The following NARF variants were observed in gnomAD, a reference collection of about 807,000 sequenced individuals.
NARF encodes the protein nuclear prelamin A recognition factor, also known as iron-only hydrogenase-like protein 2.
Under a neutral mutation model 48.0 loss-of-function variants are expected in NARF, and 41 were observed. The observed-to-expected ratio is 0.85, with a 90% confidence interval of 0.66 to 1.11. The LOEUF (loss-of-function observed/expected upper bound fraction) is 1.11. NARF is among the 50% of genes least tolerant of loss of function. NARF has a pLI of 0.00. For missense variants in NARF, 613 were observed against 590.2 expected (o/e 1.04, Z -0.40); for synonymous variants, 215 against 225.5 (o/e 0.95, Z 0.42).
intron 2 of NARF, 139 bp from the exon 3 acceptor site, chr17:82,464,148 G>C: frequency 8.8e-7 from 1 of 1,140,110 alleles, no homozygotes. Context: ...CCTGCTTCCA[G>C]CCCCTTGAGC....
At chr17:82,472,758 C>T in intron 5 of NARF, 60 bp downstream of exon 5, 1 of 1,569,046 alleles carries the variant, frequency 6.4e-7, no homozygotes, top group Non-Finnish European at 8.6e-7. Context: ...TCACAAGATT[C>T]TGCAGGCTCT....
At chr17:82,458,718 G>T, upstream of NARF, 24 of 1,422,058 alleles carry the variant, frequency 1.7e-5, no homozygotes, top group Non-Finnish European at 2.2e-5. Context: ...GACAACAAAG[G>T]GCCGCGGGCG....
chr17:82,482,271 T>G (rs1198022490), intron 7 of NARF: 1 of 429,574 alleles, frequency 2.3e-6, no homozygotes, highest in Admixed American at 2.7e-5. Flanking sequence ...CGCAGACGCC[T>G]CTGGAAAGGT....
At position 82,481,132 on chromosome 17, in the gene NARF, C is replaced by T. The variant is rs202120262; in HGVS notation, c.690C>T (p.Asp230=). 10 of 1,613,978 alleles carry T rather than the reference C, an allele frequency of 6.2e-6. No homozygotes were observed. In the African/African-American group the frequency reaches 1.2e-4, roughly 19 times the overall value. The change falls in exon 7 of 11, where the codon GAC becomes GAT. Residue 230 remains aspartate (D), a synonymous_variant. Transcript: ENST00000309794. ...IFHVIVAPCY[D]KKLEALQESL... ...ACGTCATTGTGGCCCCTTGTTATGACAAGAAGCTGGAGGCTCTTCAGGAAA... is the reference window on the plus strand; with the variant it reads ...ACGTCATTGTGGCCCCTTGTTATGATAAGAAGCTGGAGGCTCTTCAGGAAA...
chr17:82,465,898 TCTGTGTTG>T (rs1448351425), intron 3 of NARF, among the ~76,000 whole-genome samples: 1 of 152,220 alleles, frequency 6.6e-6, no homozygotes, highest in African/African-American at 2.4e-5. Flanking sequence ...ACACATGTCC[TCTGTGTTG>T]CCAGCATTAG....
intron 10 of NARF, 64 bp from the exon 11 acceptor site, chr17:82,487,852 T>G (rs1479498185): frequency 6.5e-7 from 1 of 1,538,922 alleles, no homozygotes; most frequent in African/African-American, 1.4e-5. Flanking sequence ...TTCTAGCTGC[T>G]CAGGAAGCTA....
chr17:82,475,205 A>G (rs1318345116), intron 5 of NARF, among the ~76,000 whole-genome samples: 1 of 152,164 alleles, frequency 6.6e-6, no homozygotes. Context: ...TGGCTTCACA[A>G]CACCAGTCAC....
At chr17:82,477,135 C>T (rs2043851743) in intron 5 of NARF, 1 of 152,182 alleles carries the variant, frequency 6.6e-6, no homozygotes, top group Admixed American at 6.6e-5. Flanking sequence ...AGTGATCCTC[C>T]CATCTTAGCC....
At chr17:82,458,717 G>A (rs954623652), upstream of NARF, 105 of 1,420,906 alleles carry the variant, frequency 7.4e-5, no homozygotes, top group Non-Finnish European at 9.3e-5. Context: ...GGACAACAAA[G>A]GGCCGCGGGC....
intron 7 of NARF, chr17:82,482,295 G>A (rs546902129): frequency 1.3e-4 from 52 of 400,828 alleles, no homozygotes; most frequent in African/African-American, 1.0e-3. Flanking sequence ...CACCCCATAG[G>A]CACAGGCTCC....
Position 82,478,878 on chromosome 17 carries a change from T to TC in NARF, c.600dup (p.Met201HisfsTer30). The TC allele has an allele frequency of 6.2e-7, 1 of 1,613,960 alleles. No individual in the cohort carries two copies. Among genetic ancestry groups the TC allele is most frequent in the Non-Finnish European group, 8.5e-7 (1 of 1,179,982 alleles). On this transcript the variant is annotated frameshift_variant, in exon 6 of 11. Transcript: ENST00000309794. LOFTEE classifies it high-confidence loss of function. ...TGCACCGCCAAGTCCCCCCAGCAGG[T>TC]CATGGGCTCTTTGGTGAAGGATTAT...
Position 82,483,780 on chromosome 17 carries a change from G to A in NARF, c.833+1G>A. ...TGAGAGATGCTGCCGTCGACACTCT[G>A]TAAGTGGCTTCTCTGGGGAGAGTCC... On this transcript the variant is annotated splice_donor_variant, in intron 8 of 10. Coordinates refer to ENST00000309794, the MANE Select transcript of NARF (RefSeq NM_012336.4). LOFTEE classifies it high-confidence loss of function. 1 of 1,613,488 alleles carries A rather than the reference G, an allele frequency of 6.2e-7. No homozygotes were observed. The highest frequency in any genetic ancestry group is 2.2e-5 in the East Asian group (1 of 44,870).
chr17:82,489,119 CCCATTCCTCACA>C lies in NARF; in HGVS notation c.*963_*974del, dbSNP rs2044155731. ...ACTGTAGTTTCTGACAACAGTAGGC[CCCATTCCTCACA>C]GCCAGTCACCACCCTCCTCCCATTC... On this transcript the variant is annotated 3_prime_UTR_variant, in exon 11 of 11. Transcript: ENST00000309794. 6.5e-6 allele frequency: 1 copy of C among 154,456 alleles called. No homozygotes were observed. Among genetic ancestry groups the C allele is most frequent in the African/African-American group, 2.4e-5 (1 of 41,446 alleles). The allele number at this position is 154,456 out of a possible 1,614,324, so 9.6% of individuals were successfully genotyped here. A position where few individuals can be genotyped will look rare whatever the true frequency, so the allele number is the denominator to read the frequency against.
intron 5 of NARF, chr17:82,478,512 C>T: frequency 2.0e-6 from 1 of 500,542 alleles, no homozygotes; most frequent in Non-Finnish European, 3.9e-6. Context: ...GTGCTTGTTC[C>T]CCTTCACCTT....
intron 1 of NARF, chr17:82,459,102 C>T: frequency 8.4e-7 from 1 of 1,187,044 alleles, no homozygotes. Context: ...CCGAGCCTCT[C>T]GTGCCGCGCA....
Position 82,481,132 on chromosome 17 carries a change from C to A in NARF, c.690C>A (p.Asp230Glu), listed in dbSNP as rs202120262. ...ACGTCATTGTGGCCCCTTGTTATGA[C>A]AAGAAGCTGGAGGCTCTTCAGGAAA... ...IFHVIVAPCY[D>E]KKLEALQESL... Residue 230 changes from aspartate (D) to glutamate (E), a missense_variant, in exon 7 of 11, where the codon GAC becomes GAA. Asp to Glu is a conservative substitution (Grantham distance 45, BLOSUM62 2). Transcript: ENST00000309794. 6.2e-6 allele frequency: 10 copies of A among 1,614,096 alleles called. No individual in the cohort carries two copies. In the East Asian group the frequency reaches 2.2e-4, roughly 36 times the overall value.
chr17:82,466,783 A>G (rs962005850), intron 3 of NARF, among the ~76,000 whole-genome samples: 3 of 151,860 alleles, frequency 2.0e-5, no homozygotes, highest in Non-Finnish European at 2.9e-5. Context: ...GAAAAAATCA[A>G]ATTGTTCCAG....
chr17:82,458,812 T>A lies in NARF; in HGVS notation c.9T>A (p.Cys3Ter). ...CGCCCGCCGCGCTCCAGATGAAGTG[T>A]GAGCACTGCACGCGCAAGGTGAGCG... is the stretch of plus-strand genomic sequence containing the variant. MK[C>*]EHCTRKECSK... Residue 3 changes from cysteine (C) to a stop codon, truncating the protein, a stop_gained, in exon 1 of 11, where the codon TGT becomes TGA. Coordinates refer to ENST00000309794, the MANE Select transcript of NARF (RefSeq NM_012336.4). LOFTEE classifies it high-confidence loss of function. 1 of 1,441,232 alleles carries A rather than the reference T, an allele frequency of 6.9e-7. No homozygotes were observed. The highest frequency in any genetic ancestry group is 9.1e-7 in the Non-Finnish European group (1 of 1,102,208). 89.3% of individuals were successfully genotyped at this position (1,441,232 alleles called of 1,614,324 possible).
At chr17:82,473,402 CT>C (rs948466932) in intron 5 of NARF, among the ~76,000 whole-genome samples, 25 of 142,118 alleles carry the variant, frequency 1.8e-4, no homozygotes, top group Admixed American at 2.8e-4. Context: ...TCAAGCGATT[CT>C]TTTTTTTTTG....
Sources: gnomAD v4.1 joint callset for allele counts (sites outside exome capture counted in the v4.1 genomes callset) on GRCh38, gnomAD v4.1.1 for gene constraint, MANE v1.5 for transcripts, NCBI Gene and HGNC (gene_info 2026-07-23, HGNC 2026-07-21) for gene names.